The following LINGO2 variants were observed in gnomAD, a reference collection of about 807,000 sequenced individuals.
The protein encoded by LINGO2 is leucine rich repeat and Ig domain containing 2.
A neutral mutation model predicts 30.6 loss-of-function variants in LINGO2; 14 were observed. The ratio of observed to expected loss-of-function variants is 0.46; its 90% confidence interval spans 0.30 to 0.72. The LOEUF (loss-of-function observed/expected upper bound fraction) is 0.72, where lower values mean the gene tolerates loss of function less well. Among genes scored for constraint, LINGO2 ranks in the 30% least tolerant of loss-of-function variants. The pLI, the probability that LINGO2 is intolerant of heterozygous loss-of-function variation, is 0.07. For missense variants in LINGO2, 729 were observed against 751.7 expected, an observed-to-expected ratio of 0.97 and a Z score of 0.35; for synonymous variants, 317 against 288.5, an observed-to-expected ratio of 1.10 and a Z score of -1.00.
chr9:29,061,573 T>C, the LINGO2 span, among the ~76,000 whole-genome samples: 5 of 152,088 alleles, frequency 3.3e-5, no homozygotes, highest in South Asian at 2.1e-4. Flanking sequence ...GCCAAGACTA[T>C]TCAATGGGGA....
chr9:28,740,493 T>C, the LINGO2 span, among the ~76,000 whole-genome samples: 1 of 151,938 alleles, frequency 6.6e-6, no homozygotes, highest in Admixed American at 6.5e-5. Context: ...TATAAATATA[T>C]ACAAACATAC....
intron 4 of LINGO2, among the ~76,000 whole-genome samples, chr9:28,137,019 G>T (rs1186769706): frequency 6.6e-6 from 1 of 152,046 alleles, no homozygotes; most frequent in African/African-American, 2.4e-5. Flanking sequence ...TGGAATTTAT[G>T]CCTTCATCTC....
chr9:28,570,863 T>C (rs1823654410), intron 1 of LINGO2, among the ~76,000 whole-genome samples: 1 of 152,012 alleles, frequency 6.6e-6, no homozygotes, highest in African/African-American at 2.4e-5. Flanking sequence ...TACTTCTAAG[T>C]AGACATGCAT....
the LINGO2 span, among the ~76,000 whole-genome samples, chr9:28,837,655 T>TATATATATATATATATAG: frequency 9.7e-6 from 1 of 102,758 alleles, no homozygotes; most frequent in African/African-American, 4.4e-5. Flanking sequence ...CTAAAATATA[T>TATATATATATATATATAG]ATATACATAT....
At chr9:28,245,439 G>A (rs1821962159) in intron 4 of LINGO2, among the ~76,000 whole-genome samples, 1 of 152,144 alleles carries the variant, frequency 6.6e-6, no homozygotes, top group Non-Finnish European at 1.5e-5. Context: ...CATAGTATTG[G>A]AAGTTCCAGC....
intron 5 of LINGO2, among the ~76,000 whole-genome samples, chr9:27,968,490 C>T (rs988951545): frequency 6.6e-6 from 1 of 151,774 alleles, no homozygotes; most frequent in South Asian, 2.1e-4. Context: ...AGGAAAAATA[C>T]CTTCATGCAT....
At chr9:28,462,331 A>G (rs1032083984) in intron 2 of LINGO2, among the ~76,000 whole-genome samples, 1 of 151,822 alleles carries the variant, frequency 6.6e-6, no homozygotes, top group Non-Finnish European at 1.5e-5. Flanking sequence ...TTTTACAAAT[A>G]AAACAAAAAC....
intron 4 of LINGO2, among the ~76,000 whole-genome samples, chr9:28,186,491 T>C (rs1014300660): frequency 1.3e-5 from 2 of 152,154 alleles, no homozygotes; most frequent in African/African-American, 4.8e-5. Context: ...GCTAATGTTC[T>C]AGACAGATGA....
the LINGO2 span, among the ~76,000 whole-genome samples, chr9:28,718,504 C>T: frequency 1.3e-5 from 2 of 152,020 alleles, no homozygotes; most frequent in African/African-American, 4.8e-5. Context: ...TTACTTACTT[C>T]ATAATTGCTT....
intron 1 of LINGO2, among the ~76,000 whole-genome samples, chr9:28,478,427 G>T (rs949366965): frequency 6.6e-6 from 1 of 151,918 alleles, no homozygotes; most frequent in African/African-American, 2.4e-5. Flanking sequence ...TCAAACTGCA[G>T]ATTTTTCATT....
chr9:28,911,605 A>G, the LINGO2 span, among the ~76,000 whole-genome samples: 6 of 152,102 alleles, frequency 3.9e-5, no homozygotes, highest in Admixed American at 2.6e-4. Context: ...AAAGTGCCTC[A>G]GCCTTATTCA....
chr9:29,179,178 TATATATATATATATATATA>T, the LINGO2 span, among the ~76,000 whole-genome samples: 1 of 135,798 alleles, frequency 7.4e-6, no homozygotes, highest in Non-Finnish European at 1.6e-5. Flanking sequence ...TATATATATA[TATATATATATATATATATA>T]TATATGTTTC....
chr9:28,833,731 G>A, the LINGO2 span, among the ~76,000 whole-genome samples: 3 of 152,078 alleles, frequency 2.0e-5, no homozygotes, highest in Admixed American at 6.6e-5. Context: ...GGAGATGAAC[G>A]AATAAAATCA....
At chr9:28,510,990 T>G (rs957504218) in intron 1 of LINGO2, among the ~76,000 whole-genome samples, 1 of 151,986 alleles carries the variant, frequency 6.6e-6, no homozygotes, top group African/African-American at 2.4e-5. Context: ...TTTCTTGTTT[T>G]TTTGCCTCCT....
chr9:29,119,558 T>C, the LINGO2 span, among the ~76,000 whole-genome samples: 1 of 148,964 alleles, frequency 6.7e-6, no homozygotes, highest in Admixed American at 6.7e-5. Flanking sequence ...AATTGAATCA[T>C]ATTACAAACA....
chr9:28,855,115 C>T, the LINGO2 span, among the ~76,000 whole-genome samples: 2 of 151,870 alleles, frequency 1.3e-5, no homozygotes, highest in Admixed American at 6.6e-5. Flanking sequence ...GATTGATAAA[C>T]GGGTTCTTTA....
chr9:28,075,009 T>C (rs969445578), intron 4 of LINGO2, among the ~76,000 whole-genome samples: 6 of 151,482 alleles, frequency 4.0e-5, no homozygotes, highest in Non-Finnish European at 7.4e-5. Context: ...AAAATGCTAA[T>C]AGGACAACCA....
intron 4 of LINGO2, among the ~76,000 whole-genome samples, chr9:28,108,094 T>A (rs1312374590): frequency 6.6e-6 from 1 of 152,164 alleles, no homozygotes; most frequent in Non-Finnish European, 1.5e-5. Context: ...CTCATTCAAA[T>A]GGGAGTACAT....
chr9:27,959,298 T>C (rs1819724224), intron 5 of LINGO2, among the ~76,000 whole-genome samples: 1 of 152,144 alleles, frequency 6.6e-6, no homozygotes, highest in Admixed American at 6.6e-5. Flanking sequence ...TTTGACTATT[T>C]ATTTTGTCTT....
Sources: allele counts gnomAD v4.1 joint callset (sites outside exome capture counted in the v4.1 genomes callset), GRCh38; gene constraint gnomAD v4.1.1; transcripts MANE v1.5; gene names NCBI Gene and HGNC (gene_info 2026-07-23, HGNC 2026-07-21).